Variants in PIK3C2G observed in about 807,000 individuals in gnomAD.
PIK3C2G encodes phosphatidylinositol-4-phosphate 3-kinase catalytic subunit type 2 gamma.
In PIK3C2G, 168 loss-of-function variants were observed where a neutral mutation model predicts 181.1. That is an observed-to-expected ratio of 0.93 (90% CI 0.82 to 1.05). PIK3C2G has a LOEUF of 1.05. Among genes scored for constraint, PIK3C2G ranks in the 50% least tolerant of loss-of-function variants. The pLI is 0.00. For missense variants in PIK3C2G, 1,869 were observed against 1,732.8 expected, an observed-to-expected ratio of 1.08 and a Z score of -1.40; for synonymous variants, 573 against 592.2, an observed-to-expected ratio of 0.97 and a Z score of 0.47.
intron 15 of PIK3C2G, among the ~76,000 whole-genome samples, chr12:18,394,450 T>G (rs1426963141): frequency 6.6e-6 from 1 of 152,034 alleles, no homozygotes; most frequent in Non-Finnish European, 1.5e-5. Context: ...TTGGAAAGAA[T>G]CAGGAAAATA....
At chr12:18,679,988 A>G in the PIK3C2G span, among the ~76,000 whole-genome samples, 2 of 152,026 alleles carry the variant, frequency 1.3e-5, no homozygotes, top group African/African-American at 4.8e-5. Flanking sequence ...TAGCTTAACT[A>G]TGAATCCTAT....
intron 6 of PIK3C2G, among the ~76,000 whole-genome samples, chr12:18,316,375 G>A (rs918770605): frequency 2.0e-5 from 3 of 152,156 alleles, no homozygotes; most frequent in Non-Finnish European, 4.4e-5. Context: ...TTGTTGTCAT[G>A]TCCAGGGACA....
chr12:18,559,047 G>A (rs563086289), intron 26 of PIK3C2G, among the ~76,000 whole-genome samples: 8 of 152,208 alleles, frequency 5.3e-5, no homozygotes, highest in African/African-American at 1.9e-4. Context: ...CTCTGTGTTT[G>A]CACAAATATA....
intron 26 of PIK3C2G, among the ~76,000 whole-genome samples, chr12:18,555,213 C>CAGA (rs1944943136): frequency 2.6e-5 from 4 of 152,186 alleles, no homozygotes; most frequent in Non-Finnish European, 5.9e-5. Context: ...TCATAGAAAT[C>CAGA]TCCATCAGGT....
At position 18,290,978 on chromosome 12, in the gene PIK3C2G, TAACTC is replaced by T. The variant is rs769292077; in HGVS notation, c.889_893del (p.Ser297ThrfsTer10). 45 of 1,601,010 alleles carry T rather than the reference TAACTC, an allele frequency of 2.8e-5. 1 individual carries two copies. The highest frequency in any genetic ancestry group is 3.3e-4 in the Middle Eastern group (2 of 6,038). ...AGTTTAATATACATATTTTTATTGA[TAACTC>T]AACACAACCTCTTCATTTTATGCCA... On this transcript the variant is annotated frameshift_variant, in exon 4 of 33. Transcript: ENST00000538779. LOFTEE classifies it high-confidence loss of function.
chr12:18,347,417 G>A (rs1939774023), intron 11 of PIK3C2G, among the ~76,000 whole-genome samples: 1 of 152,102 alleles, frequency 6.6e-6, no homozygotes, highest in Non-Finnish European at 1.5e-5. Flanking sequence ...GTAATATAGA[G>A]ATAATTAAAG....
chr12:18,386,436 TC>T (rs1394982033), intron 14 of PIK3C2G, among the ~76,000 whole-genome samples: 1 of 152,108 alleles, frequency 6.6e-6, no homozygotes, highest in Non-Finnish European at 1.5e-5. Flanking sequence ...ACCCCTTAGC[TC>T]TCACCTCCTA....
intron 31 of PIK3C2G, among the ~76,000 whole-genome samples, chr12:18,623,198 CT>C (rs2136677354): frequency 6.6e-6 from 1 of 151,856 alleles, no homozygotes; most frequent in Admixed American, 6.6e-5. Context: ...AAGTCTTTAA[CT>C]CATTTTGAGT....
rs72640117 is a variant in PIK3C2G at position 18,254,024 on chromosome 12, G to A, written c.-79+5942G>A. ...GACAAACCTGAGTAAGAAAAAAAAA[G>A]ATGCATCCTAAGAGCCTAGTGCTTA... On this transcript the variant is annotated intron_variant, in intron 1 of 11. Coordinates refer to the PIK3C2G transcript ENST00000535651. 3.5e-4 allele frequency among the ~76,000 whole-genome samples: 18 copies of A among 52,112 alleles called. 1 individual carries two copies. In the East Asian group the frequency reaches 0.028, roughly 80 times the overall value. 34.2% of individuals were successfully genotyped at this position (52,112 alleles called of 152,430 possible).
rs112464261 is a variant in PIK3C2G at position 18,511,765 on chromosome 12, G to T, written c.3323+6304G>T. On this transcript the variant is annotated intron_variant, in intron 24 of 32. Coordinates refer to ENST00000538779, the MANE Select transcript of PIK3C2G (RefSeq NM_001288772.2). Reference sequence around the variant, plus strand: ...GCAAACATTTTCTCAGATTCTATGGGCCATCTCTTCAGTTTGCTAATTGTT... The same window carrying T: ...GCAAACATTTTCTCAGATTCTATGGTCCATCTCTTCAGTTTGCTAATTGTT... Among the ~76,000 whole-genome samples, 561 of 151,988 alleles carry T rather than the reference G, an allele frequency of 3.7e-3. 3 individuals carry two copies. Among genetic ancestry groups the T allele is most frequent in the Non-Finnish European group, 6.8e-3 (460 of 67,874 alleles).
chr12:18,608,788 T>C (rs1479342653), intron 30 of PIK3C2G, among the ~76,000 whole-genome samples: 2 of 152,136 alleles, frequency 1.3e-5, no homozygotes, highest in African/African-American at 4.8e-5. Context: ...TTTAGACCTT[T>C]TTTCATAAGC....
chr12:18,483,871 A>G (rs2136032128), intron 18 of PIK3C2G, among the ~76,000 whole-genome samples: 1 of 152,330 alleles, frequency 6.6e-6, no homozygotes. Context: ...CTCAGGCTGC[A>G]GACTTGCTGT....
At chr12:18,699,663 C>T in the PIK3C2G span, 1 of 1,010,960 alleles carries the variant, frequency 9.9e-7, no homozygotes, top group Non-Finnish European at 1.5e-6. Context: ...TAACCCCATT[C>T]TAAATTATGT....
intron 16 of PIK3C2G, among the ~76,000 whole-genome samples, chr12:18,416,458 T>C (rs1399336612): frequency 1.3e-5 from 2 of 152,084 alleles, no homozygotes; most frequent in East Asian, 3.9e-4. Context: ...CTATCTAGGA[T>C]TTTCATAGCT....
rs191747023 is a variant in PIK3C2G at position 18,405,170 on chromosome 12, T to A, written c.2315+5323T>A. ...TTCTATTCTGGATATGTCACATTTT[T>A]AAAAACCCATGAGACACATAGAAGA... is the stretch of plus-strand genomic sequence containing the variant. On this transcript the variant is annotated intron_variant, in intron 16 of 32. Coordinates refer to ENST00000538779, the MANE Select transcript of PIK3C2G (RefSeq NM_001288772.2). 7.0e-3 allele frequency among the ~76,000 whole-genome samples: 1,065 copies of A among 152,276 alleles called. 6 individuals are homozygous for A. The highest frequency in any genetic ancestry group is 0.019 in the African/African-American group (779 of 41,556).
At chr12:18,379,744 C>CA (rs1236665273) in intron 13 of PIK3C2G, among the ~76,000 whole-genome samples, 1 of 152,168 alleles carries the variant, frequency 6.6e-6, no homozygotes, top group Non-Finnish European at 1.5e-5. Flanking sequence ...GGTTTCCTGG[C>CA]AAGCCCTGGG....
intron 24 of PIK3C2G, among the ~76,000 whole-genome samples, chr12:18,506,667 T>C (rs1483350451): frequency 6.6e-6 from 1 of 152,180 alleles, no homozygotes; most frequent in Non-Finnish European, 1.5e-5. Context: ...AAATAAGGAA[T>C]ACTGATAGAT....
chr12:18,688,353 C>A, the PIK3C2G span: 2 of 853,760 alleles, frequency 2.3e-6, no homozygotes, highest in South Asian at 2.2e-5. Context: ...AAGTGGAATA[C>A]AATACAAATT....
At chr12:18,259,104 C>G (rs1425847613), upstream of PIK3C2G, among the ~76,000 whole-genome samples, 3 of 152,006 alleles carry the variant, frequency 2.0e-5, no homozygotes, top group Non-Finnish European at 4.4e-5. Flanking sequence ...TCGGGTCACT[C>G]TATTAGGCAA....
Sources: allele counts gnomAD v4.1 joint callset (sites outside exome capture counted in the v4.1 genomes callset), GRCh38; gene constraint gnomAD v4.1.1; transcripts MANE v1.5; gene names NCBI Gene and HGNC (gene_info 2026-07-23, HGNC 2026-07-21).